Variants in BRWD3 observed in about 807,000 individuals in gnomAD.
BRWD3 encodes the protein bromodomain and WD repeat-containing protein 3.
A neutral mutation model predicts 149.7 loss-of-function variants in BRWD3; 10 were observed. The observed-to-expected ratio is 0.07, with a 90% CI of 0.04 to 0.11. The LOEUF (loss-of-function observed/expected upper bound fraction) is 0.11. Among genes scored for constraint, BRWD3 ranks in the 10% least tolerant of loss-of-function variants. The pLI, the probability that BRWD3 is intolerant of heterozygous loss-of-function variation, is 1.00. For synonymous variants in BRWD3, 504 were observed against 456.7 expected (o/e 1.10, Z -1.32); for missense variants, 940 against 1,373.2 (o/e 0.68, Z 4.99).
intron 7 of BRWD3, among the ~76,000 whole-genome samples, chrX:80,745,276 G>C (rs902321459): frequency 9.0e-6 from 1 of 111,346 alleles, no homozygotes; most frequent in Admixed American, 9.5e-5. Flanking sequence ...TGTTAAAACT[G>C]AATGAAATGA....
chrX:80,707,816 A>G (rs1482540592), intron 21 of BRWD3, among the ~76,000 whole-genome samples: 1 of 111,847 alleles, frequency 8.9e-6, no homozygotes, highest in Non-Finnish European at 1.9e-5. Flanking sequence ...CAAAATGCCT[A>G]TATGTCTCTG....
intron 20 of BRWD3, 77 bp downstream of exon 20, chrX:80,716,080 C>T (rs2073070573): frequency 2.4e-6 from 2 of 831,851 alleles, no homozygotes; most frequent in Non-Finnish European, 3.6e-6. Context: ...TAACACACAA[C>T]TGCTGCCTCT....
At chrX:80,678,849 C>T (rs766243885) in intron 40 of BRWD3, among the ~76,000 whole-genome samples, 2 of 111,375 alleles carry the variant, frequency 1.8e-5, no homozygotes, top group East Asian at 5.7e-4. Context: ...TGTGGAAGCC[C>T]TAATCCCCGA....
At position 80,774,165 on chromosome X, in the gene BRWD3, T is replaced by C. The variant is rs1186877218; in HGVS notation, c.430+17689A>G. On this transcript the variant is annotated intron_variant, in intron 6 of 40. Coordinates refer to ENST00000373275, the MANE Select transcript of BRWD3 (RefSeq NM_153252.5). ...ATTTCTGATTCCCCCTGCCTCTCTA[T>C]ACCTTGCTTCTTAGTTTCGCATATA... 8.0e-5 allele frequency among the ~76,000 whole-genome samples: 9 copies of C among 112,333 alleles called. No individual in the cohort carries two copies. In the East Asian group the frequency reaches 2.5e-3, roughly 31 times the overall value.
intron 21 of BRWD3, among the ~76,000 whole-genome samples, chrX:80,708,042 A>G (rs1364761238): frequency 2.7e-5 from 3 of 112,000 alleles, no homozygotes; most frequent in Non-Finnish European, 5.6e-5. Context: ...ATAAATATTT[A>G]CTAAGATTAG....
intron 33 of BRWD3, 96 bp from the exon 34 acceptor site, chrX:80,688,221 C>CA: frequency 1.4e-6 from 1 of 736,177 alleles, no homozygotes; most frequent in East Asian, 3.2e-5. Context: ...AATAAAATCA[C>CA]AGTTAACTTT....
rs2072534998 is a variant in BRWD3, at chrX:80,686,934, G to A, written c.3934C>T (p.Leu1312=). 8.3e-7 allele frequency: 1 copy of A among 1,209,460 alleles called. No individual in the cohort carries two copies. Among genetic ancestry groups the A allele is most frequent in the Non-Finnish European group, 1.1e-6 (1 of 893,986 alleles). The part of the protein sequence containing the change: ...PDAWKKQCKE[L]LSLIYEREDS... The stretch of plus-strand genomic sequence containing the variant: ...TCACGTTCATAAATGAGGCTCAATA[G>A]TTCCTTGCATTGTTTTTTCCAAGCA... Residue 1312 remains leucine, a synonymous_variant, in exon 35 of 41, where the codon CTA becomes TTA. Transcript: ENST00000373275.
intron 30 of BRWD3, 128 bp from the exon 31 acceptor site, chrX:80,691,301 C>T (rs1055111194): frequency 2.9e-6 from 2 of 691,810 alleles, no homozygotes; most frequent in Admixed American, 6.8e-5. Flanking sequence ...ATGAGGATTC[C>T]ATTATACAAA....
intron 40 of BRWD3, among the ~76,000 whole-genome samples, chrX:80,680,212 C>T (rs779033979): frequency 1.8e-5 from 2 of 111,810 alleles, no homozygotes; most frequent in South Asian, 7.4e-4. Flanking sequence ...CATGTTAGAA[C>T]TTTCTCTAAA....
intron 33 of BRWD3, among the ~76,000 whole-genome samples, chrX:80,688,967 TAGTC>T (rs2072573351): frequency 1.1e-5 from 1 of 90,049 alleles, no homozygotes; most frequent in African/African-American, 4.0e-5. Context: ...ATATATTTCA[TAGTC>T]AGACACATTT....
rs1160378960 is a variant in BRWD3 at position 80,705,359 on chromosome X, A to T, written c.2553-513T>A. ...ATGAAGTATACTTTATCCAAGGATT[A>T]TAATTATAATGCTTAGTTTCCTGTA... On this transcript the variant is annotated intron_variant, in intron 22 of 40. Coordinates refer to ENST00000373275, the MANE Select transcript of BRWD3 (RefSeq NM_153252.5). Among the ~76,000 whole-genome samples, 3 of 111,767 alleles carry T rather than the reference A, an allele frequency of 2.7e-5. No homozygotes were observed. In the South Asian group the frequency reaches 1.1e-3, roughly 42 times the overall value.
intron 34 of BRWD3, 79 bp downstream of exon 34, chrX:80,687,990 A>G (rs2072556893): frequency 1.4e-6 from 1 of 732,693 alleles, no homozygotes; most frequent in Non-Finnish European, 2.2e-6. Flanking sequence ...CAATTCTCCA[A>G]ATATGGGGTT....
intron 28 of BRWD3, 111 bp from the exon 29 acceptor site, chrX:80,692,261 C>A: frequency 1.5e-6 from 1 of 668,785 alleles, no homozygotes; most frequent in Non-Finnish European, 2.4e-6. Flanking sequence ...AAGGGCAATA[C>A]AGTTGTCTTG....
intron 20 of BRWD3, 116 bp from the exon 21 acceptor site, chrX:80,709,693 T>A: frequency 1.6e-6 from 1 of 610,888 alleles, no homozygotes; most frequent in South Asian, 3.0e-5. Flanking sequence ...GAGAATAAAT[T>A]CCCCAAAATA....
intron 25 of BRWD3, among the ~76,000 whole-genome samples, chrX:80,699,387 G>A (rs998898586): frequency 3.6e-5 from 4 of 110,878 alleles, no homozygotes; most frequent in Non-Finnish European, 7.5e-5. Flanking sequence ...AAATGGTGGT[G>A]TATGTATACC....
chrX:80,727,557 T>C (rs1251523155), intron 14 of BRWD3, among the ~76,000 whole-genome samples: 1 of 111,531 alleles, frequency 9.0e-6, no homozygotes, highest in Non-Finnish European at 1.9e-5. Context: ...CAAATATTTA[T>C]TGATTTCCTA....
intron 38 of BRWD3, 25 bp from the exon 39 acceptor site, chrX:80,682,119 G>A (rs751605405): frequency 1.2e-5 from 14 of 1,137,214 alleles, no homozygotes; most frequent in African/African-American, 1.8e-5. Context: ...ATGTAACAAC[G>A]AGCATTTTTT....
chrX:80,768,415 G>A (rs1318631579), intron 6 of BRWD3, among the ~76,000 whole-genome samples: 6 of 111,521 alleles, frequency 5.4e-5, no homozygotes, highest in African/African-American at 2.0e-4. Context: ...AAGAGATTGG[G>A]GGCCAATATT....
At chrX:80,713,480 T>C (rs1436639486) in intron 20 of BRWD3, among the ~76,000 whole-genome samples, 6 of 110,405 alleles carry the variant, frequency 5.4e-5, no homozygotes, top group Admixed American at 9.5e-5. Flanking sequence ...GTTAAACAGA[T>C]GCTTGAAGGC....
Sources: allele counts gnomAD v4.1 joint callset (sites outside exome capture counted in the v4.1 genomes callset), GRCh38; gene constraint gnomAD v4.1.1; transcripts MANE v1.5; gene names NCBI Gene and HGNC (gene_info 2026-07-23, HGNC 2026-07-21).